PDE12: variants seen among roughly 807,000 people sequenced by gnomAD.
PDE12 encodes the protein phosphodiesterase 12, also known as 2',5'-phosphodiesterase 12.
A neutral mutation model predicts 45.4 loss-of-function variants in PDE12; 26 were observed. The ratio of observed to expected loss-of-function variants is 0.57; its 90% CI spans 0.42 to 0.79. PDE12 has a LOEUF of 0.79. Among genes scored for constraint, PDE12 ranks in the 30% least tolerant of loss-of-function variants. The pLI, the probability that PDE12 is intolerant of heterozygous loss-of-function variation, is 0.00. For synonymous variants in PDE12, 283 were observed against 323.9 expected, an observed-to-expected ratio of 0.87 and a Z score of 1.36; for missense variants, 668 against 790.0, an observed-to-expected ratio of 0.85 and a Z score of 1.85.
Position 57,559,887 on chromosome 3 carries a change from G to A in PDE12, c.1713G>A (p.Glu571=), listed in dbSNP as rs751272952. Residue 571 remains glutamate, a synonymous_variant, in exon 3 of 3, where the codon GAG becomes GAA. Transcript: ENST00000311180. ...DYIFIDLNAL[E]VEQVIPLPSH... ...TTTTCATTGACTTAAATGCTTTAGA[G>A]GTTGAACAGGTGATTCCATTACCTA... 1 of 1,614,112 alleles carries A rather than the reference G, an allele frequency of 6.2e-7. No homozygotes were observed. Among genetic ancestry groups the A allele is most frequent in the Non-Finnish European group, 8.5e-7 (1 of 1,180,028 alleles).
chr3:57,633,157 A>C, the PDE12 span: 228 of 901,260 alleles, frequency 2.5e-4, no homozygotes, highest in Non-Finnish European at 3.5e-4. Flanking sequence ...TAAATATACC[A>C]GGCTGGCAAA....
the PDE12 span, among the ~76,000 whole-genome samples, chr3:57,605,408 G>A: frequency 1.3e-5 from 2 of 152,070 alleles, no homozygotes; most frequent in Non-Finnish European, 2.9e-5. Context: ...AGGGTTGGTT[G>A]GGAACAATGC....
Position 57,561,374 on chromosome 3 carries a change from T to A in PDE12, c.*1370T>A. 2 of 984,290 alleles carry A rather than the reference T, an allele frequency of 2.0e-6. No homozygotes were observed. Among genetic ancestry groups the A allele is most frequent in the Non-Finnish European group, 2.4e-6 (2 of 828,570 alleles). 61.0% of individuals were successfully genotyped at this position (984,290 alleles called of 1,614,324 possible). A position where few individuals can be genotyped will look rare whatever the true frequency, so the allele number is the denominator to read the frequency against. ...CATCTCTGAAATAAAAAACTTCTTT[T>A]TACAGACAAGCATTATAGTTTGAGT... On this transcript the variant is annotated 3_prime_UTR_variant, in exon 3 of 3. Coordinates refer to ENST00000311180, the MANE Select transcript of PDE12 (RefSeq NM_177966.7).
the PDE12 span, chr3:57,654,722 G>A: frequency 1.0e-6 from 1 of 985,196 alleles, no homozygotes; most frequent in South Asian, 4.7e-5. Flanking sequence ...CCATGGAATA[G>A]ACCTTGACCT....
chr3:57,649,817 C>A, the PDE12 span, among the ~76,000 whole-genome samples: 1 of 150,896 alleles, frequency 6.6e-6, no homozygotes, highest in Non-Finnish European at 1.5e-5. Context: ...ACCCCCACCC[C>A]CATGGATACC....
the PDE12 span, chr3:57,596,843 A>G: frequency 3.8e-6 from 2 of 525,452 alleles, no homozygotes; most frequent in Non-Finnish European, 6.8e-6. Flanking sequence ...CGAGTCCAGA[A>G]AGAAATCTTG....
the PDE12 span, chr3:57,646,530 T>C: frequency 5.5e-6 from 8 of 1,446,130 alleles, no homozygotes; most frequent in Non-Finnish European, 7.3e-6. Flanking sequence ...TCCACATTGA[T>C]ATAAATTCTT....
chr3:57,632,059 C>A, the PDE12 span, among the ~76,000 whole-genome samples: 1 of 130,260 alleles, frequency 7.7e-6, no homozygotes, highest in Admixed American at 8.6e-5. Flanking sequence ...CTCACTCTTT[C>A]GCCCAGGCTG....
At chr3:57,570,219 G>GTTTTTTTTTTTTTTTTGTT (rs2069824322), downstream of PDE12, among the ~76,000 whole-genome samples, 1 of 102,314 alleles carries the variant, frequency 9.8e-6, no homozygotes, top group African/African-American at 3.9e-5. Context: ...TTAATCCAGT[G>GTTTTTTTTTTTTTTTTGTT]TTTTTTTTTT....
the PDE12 span, among the ~76,000 whole-genome samples, chr3:57,628,517 T>G: frequency 6.6e-6 from 1 of 152,218 alleles, no homozygotes; most frequent in Non-Finnish European, 1.5e-5. Flanking sequence ...AATTCGTTAT[T>G]GAGCTCAATA....
the PDE12 span, among the ~76,000 whole-genome samples, chr3:57,619,115 C>T: frequency 6.6e-6 from 1 of 151,298 alleles, no homozygotes; most frequent in African/African-American, 2.4e-5. Flanking sequence ...TTTGAGAGGC[C>T]AAGGTGGGCG....
the PDE12 span, among the ~76,000 whole-genome samples, chr3:57,593,776 C>G: frequency 6.6e-6 from 1 of 152,120 alleles, no homozygotes; most frequent in Non-Finnish European, 1.5e-5. Context: ...GTGGCTCGCC[C>G]TGTAACCCTA....
At chr3:57,610,677 A>T in the PDE12 span, among the ~76,000 whole-genome samples, 1 of 152,318 alleles carries the variant, frequency 6.6e-6, no homozygotes, top group African/African-American at 2.4e-5. Flanking sequence ...CCAACTTACA[A>T]GGGATGTGAG....
the PDE12 span, among the ~76,000 whole-genome samples, chr3:57,603,621 A>ATT: frequency 1.2e-4 from 15 of 125,310 alleles, no homozygotes; most frequent in Non-Finnish European, 1.2e-4. Context: ...CCGGCCAGAA[A>ATT]TTTTTTTTTT....
At chr3:57,581,540 C>T in the PDE12 span, among the ~76,000 whole-genome samples, 1 of 152,176 alleles carries the variant, frequency 6.6e-6, no homozygotes, top group South Asian at 2.1e-4. Flanking sequence ...GTAGCTCATG[C>T]CTGTAATCCC....
chr3:57,597,892 G>A, the PDE12 span: 1 of 152,348 alleles, frequency 6.6e-6, no homozygotes, highest in East Asian at 1.9e-4. Context: ...GCGGAGAAAA[G>A]TGGTTAAAAG....
At chr3:57,584,982 G>A in the PDE12 span, among the ~76,000 whole-genome samples, 1 of 152,060 alleles carries the variant, frequency 6.6e-6, no homozygotes, top group Non-Finnish European at 1.5e-5. Context: ...TCCTGCCTCA[G>A]CCTCCCAAGT....
the PDE12 span, chr3:57,630,585 C>A: frequency 1.4e-5 from 22 of 1,527,132 alleles, no homozygotes; most frequent in Admixed American, 3.2e-4. Context: ...TCCTCAATAC[C>A]TTTCCTAGTC....
the PDE12 span, chr3:57,641,537 C>T: frequency 1.9e-5 from 14 of 755,808 alleles, no homozygotes; most frequent in Middle Eastern, 2.6e-4. Context: ...TTATACCCTT[C>T]TCCAAAGGCC....
Sources: allele counts gnomAD v4.1 joint callset (sites outside exome capture counted in the v4.1 genomes callset), GRCh38; gene constraint gnomAD v4.1.1; transcripts MANE v1.5; gene names NCBI Gene and HGNC (gene_info 2026-07-23, HGNC 2026-07-21).